RAB3C: variants seen among roughly 807,000 people sequenced by gnomAD.
RAB3C encodes the protein RAB3C, member RAS oncogene family, also known as ras-related protein Rab-3C.
A neutral mutation model predicts 26.4 loss-of-function variants in RAB3C; 17 were observed. The observed-to-expected ratio is 0.64, with a 90% CI of 0.44 to 0.97. The LOEUF (loss-of-function observed/expected upper bound fraction) is 0.97. Ranked by LOEUF, RAB3C falls within the 50% of genes least tolerant of loss-of-function variation. RAB3C has a pLI of 0.00. For missense variants in RAB3C, 242 were observed against 281.9 expected, an observed-to-expected ratio of 0.86 and a Z score of 1.01; for synonymous variants, 91 against 95.9, an observed-to-expected ratio of 0.95 and a Z score of 0.30.
At chr5:58,608,715 G>A (rs1290463640) in intron 1 of RAB3C, among the ~76,000 whole-genome samples, 1 of 152,126 alleles carries the variant, frequency 6.6e-6, no homozygotes, top group Non-Finnish European at 1.5e-5. Context: ...TATAAATCAT[G>A]CTACTATAAA....
intron 2 of RAB3C, among the ~76,000 whole-genome samples, chr5:58,669,546 G>A (rs1748070373): frequency 6.6e-6 from 1 of 152,104 alleles, no homozygotes; most frequent in African/African-American, 2.4e-5. Context: ...TCAGCCAGTG[G>A]CTCCTTAGAG....
chr5:58,761,958 A>AT (rs1474538809), intron 3 of RAB3C, among the ~76,000 whole-genome samples: 2 of 151,864 alleles, frequency 1.3e-5, no homozygotes, highest in East Asian at 3.9e-4. Context: ...ATAATATTAA[A>AT]TTTTTTCACT....
At chr5:58,808,432 G>T (rs888696258) in intron 3 of RAB3C, among the ~76,000 whole-genome samples, 7 of 152,196 alleles carry the variant, frequency 4.6e-5, no homozygotes, top group African/African-American at 1.7e-4. Flanking sequence ...TTGGATATCT[G>T]TTTCAGGAAA....
At chr5:58,582,938 GT>G, upstream of RAB3C, 2 of 832,252 alleles carry the variant, frequency 2.4e-6, no homozygotes, top group Non-Finnish European at 3.5e-6. Flanking sequence ...CTGTTTAATG[GT>G]TTGCTTGCTT....
intron 2 of RAB3C, among the ~76,000 whole-genome samples, chr5:58,628,641 G>A (rs1406272581): frequency 2.3e-5 from 3 of 132,870 alleles, no homozygotes; most frequent in African/African-American, 5.8e-5. Flanking sequence ...GAACAGGGTG[G>A]CAACTGCTCT....
intron 2 of RAB3C, among the ~76,000 whole-genome samples, chr5:58,708,870 T>C (rs1749004126): frequency 6.6e-6 from 1 of 152,216 alleles, no homozygotes; most frequent in African/African-American, 2.4e-5. Context: ...AAATAAAGAA[T>C]TAAATTTTGC....
At chr5:58,644,805 T>C (rs749508566) in intron 2 of RAB3C, among the ~76,000 whole-genome samples, 1 of 152,208 alleles carries the variant, frequency 6.6e-6, no homozygotes, top group Non-Finnish European at 1.5e-5. Flanking sequence ...AGAGCTACCA[T>C]GATGGCAGGC....
chr5:58,597,791 T>G lies in RAB3C; in HGVS notation c.24+14559T>G, dbSNP rs1171297206. ...ACATATAATACATTATATATAAGTATATAACATGTAATACATTATATATAA... is the reference window on the plus strand; with the variant it reads ...ACATATAATACATTATATATAAGTAGATAACATGTAATACATTATATATAA... On this transcript the variant is annotated intron_variant, in intron 1 of 4. Coordinates refer to ENST00000282878, the MANE Select transcript of RAB3C (RefSeq NM_138453.4). Among the ~76,000 whole-genome samples the G allele has an allele frequency of 2.9e-4, 6 of 20,776 alleles. 1 individual carries two copies. Among genetic ancestry groups the G allele is most frequent in the South Asian group, 3.8e-3 (2 of 528 alleles). 13.6% of individuals were successfully genotyped at this position (20,776 alleles called of 152,430 possible). A position where few individuals can be genotyped will look rare whatever the true frequency, so the allele number is the denominator to read the frequency against.
intron 4 of RAB3C, among the ~76,000 whole-genome samples, chr5:58,845,110 C>T (rs1743960067): frequency 6.6e-6 from 1 of 152,186 alleles, no homozygotes; most frequent in African/African-American, 2.4e-5. Flanking sequence ...CCCTAGGGTG[C>T]TCTGACGTTC....
chr5:58,681,554 C>T (rs1357261260), intron 2 of RAB3C, among the ~76,000 whole-genome samples: 3 of 152,190 alleles, frequency 2.0e-5, no homozygotes, highest in African/African-American at 4.8e-5. Flanking sequence ...TTTACTTTTG[C>T]TGTTCTGTTA....
intron 1 of RAB3C, among the ~76,000 whole-genome samples, chr5:58,606,050 G>A (rs1000227649): frequency 6.6e-6 from 1 of 152,214 alleles, no homozygotes; most frequent in Non-Finnish European, 1.5e-5. Flanking sequence ...GGACTGGTTG[G>A]ACAGTGGGTG....
At chr5:58,798,520 A>G (rs894168763) in intron 3 of RAB3C, among the ~76,000 whole-genome samples, 1 of 152,204 alleles carries the variant, frequency 6.6e-6, no homozygotes, top group East Asian at 1.9e-4. Flanking sequence ...GAGGACCAAC[A>G]TGACATCACA....
At position 58,764,404 on chromosome 5, in the gene RAB3C, G is replaced by A. The variant is rs915180086; in HGVS notation, c.371+38284G>A. Among the ~76,000 whole-genome samples, 3 of 152,144 alleles carry A rather than the reference G, an allele frequency of 2.0e-5. No individual in the cohort carries two copies. The South Asian group carries it at 6.2e-4, about 31-fold the overall frequency. On this transcript the variant is annotated intron_variant, in intron 3 of 4. Coordinates refer to ENST00000282878, the MANE Select transcript of RAB3C (RefSeq NM_138453.4). The stretch of plus-strand genomic sequence containing the variant: ...AGGCAAGGAACCCACATGATCACTT[G>A]TGCAATTCCCAGTCCTCTGTTTGGG...
At chr5:58,819,909 C>T (rs1256921474) in intron 3 of RAB3C, among the ~76,000 whole-genome samples, 2 of 152,138 alleles carry the variant, frequency 1.3e-5, no homozygotes, top group African/African-American at 4.8e-5. Flanking sequence ...TCATCAATGG[C>T]TTCTTATGAT....
intron 4 of RAB3C, among the ~76,000 whole-genome samples, chr5:58,835,954 T>A (rs1460703748): frequency 6.6e-6 from 1 of 152,210 alleles, no homozygotes; most frequent in Non-Finnish European, 1.5e-5. Flanking sequence ...CTTTGCACAC[T>A]GGCCAGTGTT....
chr5:58,783,395 CAT>C (rs1321775143), intron 3 of RAB3C, among the ~76,000 whole-genome samples: 1 of 152,086 alleles, frequency 6.6e-6, no homozygotes, highest in Non-Finnish European at 1.5e-5. Context: ...ATAAAGACAA[CAT>C]GTGTGTATCA....
At chr5:58,830,395 G>A (rs1386512686) in intron 4 of RAB3C, among the ~76,000 whole-genome samples, 1 of 152,172 alleles carries the variant, frequency 6.6e-6, no homozygotes, top group Non-Finnish European at 1.5e-5. Flanking sequence ...TTTGCATTCT[G>A]TGGGATATTT....
intron 1 of RAB3C, among the ~76,000 whole-genome samples, chr5:58,614,652 A>G (rs1579817758): frequency 6.6e-6 from 1 of 151,718 alleles, no homozygotes; most frequent in African/African-American, 2.4e-5. Context: ...TGCTACCACA[A>G]CAAGGTATAT....
At chr5:58,635,684 C>T (rs1013383743) in intron 2 of RAB3C, among the ~76,000 whole-genome samples, 4 of 152,132 alleles carry the variant, frequency 2.6e-5, no homozygotes, top group African/African-American at 9.7e-5. Context: ...TGCTCTAGAG[C>T]ATACTTTACC....
Sources: gnomAD v4.1 joint callset for allele counts (sites outside exome capture counted in the v4.1 genomes callset) on GRCh38, gnomAD v4.1.1 for gene constraint, MANE v1.5 for transcripts, NCBI Gene and HGNC (gene_info 2026-07-23, HGNC 2026-07-21) for gene names.